COL14A1: variants seen among roughly 807,000 people sequenced by gnomAD.
COL14A1 encodes the protein collagen type XIV alpha 1 chain.
COL14A1 carries 136 observed loss-of-function variants against 230.3 expected under a neutral mutation model. The ratio of observed to expected loss-of-function variants is 0.59; its 90% CI spans 0.51 to 0.68. The LOEUF (loss-of-function observed/expected upper bound fraction) is 0.68, where lower values mean the gene tolerates loss of function less well. Among genes scored for constraint, COL14A1 ranks in the 30% least tolerant of loss-of-function variants. COL14A1 has a pLI of 0.00. For synonymous variants in COL14A1, 792 were observed against 784.1 expected (o/e 1.01, Z -0.17); for missense variants, 1,976 against 2,215.8 (o/e 0.89, Z 2.17).
chr8:120,244,043 A>T, intron 20 of COL14A1, 35 bp downstream of exon 20: 2 of 1,600,226 alleles, frequency 1.2e-6, no homozygotes, highest in East Asian at 4.5e-5. Flanking sequence ...ATACAAGCCG[A>T]CTCATTAAAT....
At chr8:120,259,456 T>C (rs1819260457) in intron 23 of COL14A1, among the ~76,000 whole-genome samples, 1 of 152,150 alleles carries the variant, frequency 6.6e-6, no homozygotes, top group South Asian at 2.1e-4. Flanking sequence ...GTTGAGGAAA[T>C]TAGTCACCAT....
intron 5 of COL14A1, among the ~76,000 whole-genome samples, chr8:120,178,279 A>T (rs940135618): frequency 1.3e-5 from 2 of 151,926 alleles, no homozygotes; most frequent in Non-Finnish European, 2.9e-5. Flanking sequence ...TCCTATGTCC[A>T]TGTGTTCTCA....
chr8:120,369,009 C>T (rs1823499427), intron 46 of COL14A1, among the ~76,000 whole-genome samples: 1 of 151,938 alleles, frequency 6.6e-6, no homozygotes, highest in Non-Finnish European at 1.5e-5. Context: ...CATTGGGAAA[C>T]AAAAGCTCCA....
chr8:120,150,758 C>T lies in COL14A1; in HGVS notation c.88+2828C>T, dbSNP rs141513200. 6.3e-3 allele frequency among the ~76,000 whole-genome samples: 952 copies of T among 152,082 alleles called. 25 individuals are homozygous for T. The highest frequency in any genetic ancestry group is 0.035 in the Admixed American group (534 of 15,276). The stretch of plus-strand genomic sequence containing the variant: ...GAGCTTAAGGTGTCTGTGGGACATT[C>T]AGGTGGAGATGGCTGGTAGGCAGTT... On this transcript the variant is annotated intron_variant, in intron 2 of 47. Coordinates refer to ENST00000297848, the MANE Select transcript of COL14A1 (RefSeq NM_021110.4).
intron 5 of COL14A1, among the ~76,000 whole-genome samples, chr8:120,179,115 A>G (rs1408552659): frequency 5.3e-5 from 8 of 152,120 alleles, no homozygotes; most frequent in African/African-American, 1.4e-4. Context: ...TTTTGTTGCC[A>G]TTGCTTTTGG....
chr8:120,366,493 C>A (rs1231158464), intron 45 of COL14A1, among the ~76,000 whole-genome samples: 2 of 152,342 alleles, frequency 1.3e-5, no homozygotes, highest in African/African-American at 2.4e-5. Context: ...GCGCTCTCAC[C>A]TTTCAAGTGA....
intron 34 of COL14A1, 87 bp from the exon 35 acceptor site, chr8:120,297,424 T>A (rs1820562531): frequency 3.3e-6 from 2 of 614,414 alleles, no homozygotes. Flanking sequence ...TGTATTGGTA[T>A]TCTGTTATAT....
chr8:120,309,407 T>C (rs1039038164), intron 36 of COL14A1, among the ~76,000 whole-genome samples: 1 of 152,172 alleles, frequency 6.6e-6, no homozygotes, highest in African/African-American at 2.4e-5. Flanking sequence ...TAGACACATA[T>C]GAACATATAT....
At chr8:120,308,755 A>T (rs1820930389) in intron 36 of COL14A1, among the ~76,000 whole-genome samples, 1 of 152,242 alleles carries the variant, frequency 6.6e-6, no homozygotes, top group Non-Finnish European at 1.5e-5. Context: ...AATCCTGGAC[A>T]TGGCATGAAA....
chr8:120,251,290 T>C (rs1372743737), intron 22 of COL14A1, among the ~76,000 whole-genome samples: 1 of 152,212 alleles, frequency 6.6e-6, no homozygotes, highest in African/African-American at 2.4e-5. Flanking sequence ...AGGATTTCCT[T>C]CTGGAAAATC....
At chr8:120,344,578 C>T (rs1822431012) in intron 44 of COL14A1, among the ~76,000 whole-genome samples, 1 of 152,174 alleles carries the variant, frequency 6.6e-6, no homozygotes, top group Non-Finnish European at 1.5e-5. Context: ...CAGTGACAAT[C>T]CAATGCTTAA....
At chr8:120,363,978 G>A (rs75920168) in intron 45 of COL14A1, among the ~76,000 whole-genome samples, 2 of 152,196 alleles carry the variant, frequency 1.3e-5, no homozygotes, top group African/African-American at 4.8e-5. Flanking sequence ...GGTTCTACCT[G>A]CTATGGTTAT....
Position 120,232,375 on chromosome 8 carries a change from C to T in COL14A1, c.2349+757C>T, listed in dbSNP as rs10094239. On this transcript the variant is annotated intron_variant, in intron 19 of 47. Transcript: ENST00000297848. ...TGGTAGTTTGCTGCACCCATCAACC[C>T]GTCATCTACATTAAGTATTTCTCCT... Among the ~76,000 whole-genome samples the T allele has an allele frequency of 9.3e-4, 141 of 152,148 alleles. 1 individual carries two copies. The highest frequency in any genetic ancestry group is 3.3e-3 in the African/African-American group (135 of 41,504).
intron 37 of COL14A1, among the ~76,000 whole-genome samples, chr8:120,310,480 C>A (rs967566189): frequency 3.3e-5 from 5 of 152,182 alleles, no homozygotes; most frequent in Admixed American, 1.3e-4. Flanking sequence ...TATATATAAT[C>A]AAACACACAA....
intron 26 of COL14A1, 46 bp downstream of exon 26, chr8:120,270,220 T>C: frequency 6.4e-7 from 1 of 1,555,972 alleles, no homozygotes; most frequent in Non-Finnish European, 8.7e-7. Flanking sequence ...TTAGAAATTA[T>C]TTCTCCAGCT....
chr8:120,255,796 T>C (rs1173716474), intron 23 of COL14A1, among the ~76,000 whole-genome samples: 1 of 151,636 alleles, frequency 6.6e-6, no homozygotes, highest in Non-Finnish European at 1.5e-5. Context: ...TTTTTTTTTC[T>C]TTTGGGGATA....
At chr8:120,216,256 T>C in intron 13 of COL14A1, 95 bp from the exon 14 acceptor site, 2 of 985,950 alleles carry the variant, frequency 2.0e-6, no homozygotes, top group Non-Finnish European at 3.0e-6. Flanking sequence ...GTGACACTTT[T>C]CATATGTAAA....
intron 23 of COL14A1, among the ~76,000 whole-genome samples, chr8:120,258,593 A>G (rs1243657401): frequency 6.6e-6 from 1 of 152,194 alleles, no homozygotes; most frequent in Non-Finnish European, 1.5e-5. Context: ...CAAAAGCAAC[A>G]GATGTCCTTT....
Position 120,131,443 on chromosome 8 carries a change from G to A in COL14A1, c.-38+6103G>A, listed in dbSNP as rs1031735423. On this transcript the variant is annotated intron_variant, in intron 1 of 47. Coordinates refer to ENST00000297848, the MANE Select transcript of COL14A1 (RefSeq NM_021110.4). ...TAGTATCTCAATGTGATTTTGATTT[G>A]CATCTTTCTGATGATTAGCAATGTG... is the stretch of plus-strand genomic sequence containing the variant. Among the ~76,000 whole-genome samples the A allele has an allele frequency of 4.7e-5, 7 of 150,486 alleles. No homozygotes were observed. In the East Asian group the frequency reaches 9.8e-4, roughly 21 times the overall value.
Sources: allele counts gnomAD v4.1 joint callset (sites outside exome capture counted in the v4.1 genomes callset), GRCh38; gene constraint gnomAD v4.1.1; transcripts MANE v1.5; gene names NCBI Gene and HGNC (gene_info 2026-07-23, HGNC 2026-07-21).